Variants in NALCN observed in about 807,000 individuals in gnomAD.
NALCN encodes sodium leak channel NALCN.
In NALCN, 111 loss-of-function variants were observed where a neutral mutation model predicts 225.3. The ratio of observed to expected loss-of-function variants is 0.49; its 90% CI spans 0.42 to 0.58. The LOEUF (loss-of-function observed/expected upper bound fraction) is 0.58, where lower values mean the gene tolerates loss of function less well. NALCN is among the 20% of genes least tolerant of loss of function. The pLI is 0.00. For synonymous variants in NALCN, 764 were observed against 769.0 expected, an observed-to-expected ratio of 0.99 and a Z score of 0.11; for missense variants, 1,378 against 2,202.4, an observed-to-expected ratio of 0.63 and a Z score of 7.49.
chr13:101,167,462 A>G (rs2038493428), intron 15 of NALCN, among the ~76,000 whole-genome samples: 1 of 152,194 alleles, frequency 6.6e-6, no homozygotes, highest in Non-Finnish European at 1.5e-5. Context: ...TCAAGTTACT[A>G]TGAGTGTTTC....
chr13:101,176,372 G>T lies in NALCN; in HGVS notation c.1767C>A (p.Ile589=). Residue 589 remains isoleucine, a splice_region_variant and synonymous_variant, in exon 15 of 44, where the codon ATC becomes ATA. Coordinates refer to ENST00000251127, the MANE Select transcript of NALCN (RefSeq NM_052867.4). ...TAACAGCAACAAACAAACTCAGGAG[G>T]ATCTATAAAATGGTGAAATAACAAT... ...FILYHLFATL[I]LLSLFVAVIL... 6.3e-7 allele frequency: 1 copy of T among 1,592,254 alleles called. No homozygotes were observed. The highest frequency in any genetic ancestry group is 8.5e-7 in the Non-Finnish European group (1 of 1,172,190).
At chr13:101,359,478 G>A (rs976454520) in intron 6 of NALCN, among the ~76,000 whole-genome samples, 7 of 152,318 alleles carry the variant, frequency 4.6e-5, no homozygotes, top group South Asian at 2.1e-4. Context: ...GTGATGCTGC[G>A]TCCTTCTGTG....
At chr13:101,212,317 C>A (rs1280912634) in intron 13 of NALCN, among the ~76,000 whole-genome samples, 1 of 152,170 alleles carries the variant, frequency 6.6e-6, no homozygotes, top group Non-Finnish European at 1.5e-5. Context: ...GTGCTAGGCA[C>A]ACAGTAAATT....
chr13:101,194,043 G>T (rs2039789783), intron 13 of NALCN, among the ~76,000 whole-genome samples: 1 of 152,028 alleles, frequency 6.6e-6, no homozygotes, highest in Admixed American at 6.6e-5. Flanking sequence ...GATTTATTTT[G>T]GTATCTGGAG....
chr13:101,216,270 T>C (rs2040727632), intron 13 of NALCN, among the ~76,000 whole-genome samples: 1 of 152,084 alleles, frequency 6.6e-6, no homozygotes, highest in Non-Finnish European at 1.5e-5. Context: ...GGAGAAATAG[T>C]ACAGAATGAG....
At chr13:101,386,020 T>C (rs530353904) in intron 3 of NALCN, among the ~76,000 whole-genome samples, 1 of 152,316 alleles carries the variant, frequency 6.6e-6, no homozygotes, top group East Asian at 1.9e-4. Context: ...ATATGGTGGA[T>C]GGTACTTTAA....
At chr13:101,288,180 T>C (rs376930007) in intron 9 of NALCN, among the ~76,000 whole-genome samples, 10 of 152,312 alleles carry the variant, frequency 6.6e-5, no homozygotes, top group Admixed American at 2.6e-4. Context: ...CCTATGATGA[T>C]TGTACTATTC....
chr13:101,226,682 C>G (rs996623789), intron 13 of NALCN, among the ~76,000 whole-genome samples: 2 of 152,152 alleles, frequency 1.3e-5, no homozygotes, highest in Non-Finnish European at 2.9e-5. Context: ...CCTGGGAGAC[C>G]TCCCGGGGAC....
intron 11 of NALCN, among the ~76,000 whole-genome samples, chr13:101,253,767 T>C (rs564936649): frequency 6.6e-6 from 1 of 152,198 alleles, no homozygotes; most frequent in East Asian, 1.9e-4. Context: ...ACAACCATTC[T>C]GAGACACACT....
Position 101,124,773 on chromosome 13 carries a change from A to G in NALCN, c.2119-92T>C, listed in dbSNP as rs985265844. ...CAATAGATGACATTGTTAAAACATG[A>G]AACATGAATATGTTTCGCTAAAGCA... On this transcript the variant is annotated intron_variant, in intron 17 of 43. Transcript: ENST00000251127. The G allele has an allele frequency of 7.6e-6, 8 of 1,046,210 alleles. No homozygotes were observed. In the African/African-American group the frequency reaches 1.3e-4, roughly 17 times the overall value. 64.8% of individuals were successfully genotyped at this position (1,046,210 alleles called of 1,614,324 possible).
chr13:101,336,915 C>G (rs1424333713), intron 7 of NALCN, among the ~76,000 whole-genome samples: 1 of 152,174 alleles, frequency 6.6e-6, no homozygotes, highest in African/African-American at 2.4e-5. Flanking sequence ...CAAATACACA[C>G]AAAACTTACT....
At chr13:101,093,997 T>C (rs774746327) in intron 28 of NALCN, among the ~76,000 whole-genome samples, 3 of 152,192 alleles carry the variant, frequency 2.0e-5, no homozygotes, top group Admixed American at 2.0e-4. Flanking sequence ...TCTGATACAA[T>C]TGGATTCTGG....
At chr13:101,349,557 T>C (rs577183714) in intron 6 of NALCN, among the ~76,000 whole-genome samples, 1 of 152,262 alleles carries the variant, frequency 6.6e-6, no homozygotes, top group South Asian at 2.1e-4. Context: ...TGGAGAGAGA[T>C]GTGAGTATGG....
chr13:101,090,503 C>T (rs2034175672), intron 28 of NALCN, among the ~76,000 whole-genome samples: 1 of 152,128 alleles, frequency 6.6e-6, no homozygotes. Context: ...GAACACAGGG[C>T]TGGAAAGTAG....
intron 2 of NALCN, 38 bp downstream of exon 2, chr13:101,398,981 T>A (rs1173020367): frequency 2.1e-5 from 26 of 1,266,036 alleles, no homozygotes; most frequent in Non-Finnish European, 2.8e-5. Flanking sequence ...TTATCTCACA[T>A]CCACATATGC....
intron 1 of NALCN, among the ~76,000 whole-genome samples, chr13:101,401,057 T>G (rs2047464697): frequency 6.6e-6 from 1 of 152,192 alleles, no homozygotes; most frequent in Admixed American, 6.6e-5. Context: ...TTAGCCAGCG[T>G]CGTCAGGTAT....
intron 30 of NALCN, among the ~76,000 whole-genome samples, chr13:101,085,379 C>T (rs1488897939): frequency 6.6e-6 from 1 of 151,876 alleles, no homozygotes; most frequent in Non-Finnish European, 1.5e-5. Flanking sequence ...AAAACAAATG[C>T]TTACTAGGGG....
intron 1 of NALCN, among the ~76,000 whole-genome samples, chr13:101,407,335 T>G (rs2139541244): frequency 6.6e-6 from 1 of 152,334 alleles, no homozygotes; most frequent in South Asian, 2.1e-4. Context: ...CATTTTAGAG[T>G]TTGCAGAAAA....
chr13:101,405,875 T>C (rs936840081), intron 1 of NALCN, among the ~76,000 whole-genome samples: 9 of 152,164 alleles, frequency 5.9e-5, no homozygotes, highest in Non-Finnish European at 1.2e-4. Flanking sequence ...AAAAAGTGCT[T>C]TGGGATACAT....
Sources: gnomAD v4.1 joint callset for allele counts (sites outside exome capture counted in the v4.1 genomes callset) on GRCh38, gnomAD v4.1.1 for gene constraint, MANE v1.5 for transcripts, NCBI Gene and HGNC (gene_info 2026-07-23, HGNC 2026-07-21) for gene names.